Variants in OCM2 observed in about 807,000 individuals in gnomAD.
The protein encoded by OCM2 is oncomodulin 2.
OCM2 carries 6 observed loss-of-function variants against 13.6 expected under a neutral mutation model. The observed-to-expected ratio is 0.44, with a 90% CI of 0.24 to 0.87. The LOEUF (loss-of-function observed/expected upper bound fraction) is 0.87, where lower values mean the gene tolerates loss of function less well. OCM2 is among the 40% of genes least tolerant of loss of function. The pLI is 0.22. For missense variants in OCM2, 118 were observed against 136.8 expected, an observed-to-expected ratio of 0.86 and a Z score of 0.68; for synonymous variants, 40 against 50.7, an observed-to-expected ratio of 0.79 and a Z score of 0.90.
At chr7:97,985,431 AAAAGAAAG>A (rs1554366491) in intron 3 of OCM2, among the ~76,000 whole-genome samples, 13 of 131,500 alleles carry the variant, frequency 9.9e-5, no homozygotes, top group Admixed American at 2.8e-4. Flanking sequence ...AAAAAAAAAA[AAAAGAAAG>A]AAAGAAAGAA....
Position 97,985,002 on chromosome 7 carries a change from G to A in OCM2, c.305-19C>T, listed in dbSNP as rs1794655716. 3 of 1,613,996 alleles carry A rather than the reference G, an allele frequency of 1.9e-6. No individual in the cohort carries two copies. The South Asian group carries it at 3.3e-5, about 18-fold the overall frequency. ...TGGAATTCTAGAACAGAAGAGGTGA[G>A]AACAGGGTCAGTGGAGGTGGCTTCG... is the stretch of plus-strand genomic sequence containing the variant. On this transcript the variant is annotated intron_variant, in intron 3 of 3. Transcript: ENST00000257627.
At chr7:97,985,746 T>C (rs760461272) in intron 3 of OCM2, among the ~76,000 whole-genome samples, 3 of 152,166 alleles carry the variant, frequency 2.0e-5, no homozygotes, top group Admixed American at 2.0e-4. Context: ...GACTTTGAAC[T>C]GACTTTCCTC....
intron 1 of OCM2, 150 bp downstream of exon 1, chr7:97,989,894 G>C: frequency 1.5e-6 from 1 of 656,436 alleles, no homozygotes; most frequent in East Asian, 2.9e-5. Context: ...TCCTGACCTC[G>C]TGATCCACCC....
chr7:97,984,737 G>T, exon 4 of OCM2: 2 of 552,924 alleles, frequency 3.6e-6, no homozygotes, highest in Non-Finnish European at 6.5e-6. Context: ...CCTGTTGGGG[G>T]AAGGGGGGCT....
intron 1 of OCM2, 28 bp downstream of exon 1, chr7:97,990,016 T>TGGCCCC: frequency 7.4e-6 from 8 of 1,083,832 alleles, no homozygotes; most frequent in Non-Finnish European, 1.1e-5. Flanking sequence ...TGTGAGGAAA[T>TGGCCCC]CCCACCCCCG....
chr7:97,989,990 G>T, intron 1 of OCM2, 54 bp downstream of exon 1: 3 of 1,583,778 alleles, frequency 1.9e-6, no homozygotes, highest in Non-Finnish European at 2.6e-6. Context: ...GTGTTGCCTC[G>T]CTGGAGGGGC....
chr7:97,984,896 A>G, exon 4 of OCM2: 3 of 1,489,600 alleles, frequency 2.0e-6, no homozygotes, highest in Non-Finnish European at 2.8e-6. Flanking sequence ...CCCCATTCCC[A>G]GGGCTTTGGA....
chr7:97,990,014 AATCCC>A, intron 1 of OCM2, 25 bp downstream of exon 1: 10 of 1,385,016 alleles, frequency 7.2e-6, no homozygotes, highest in Non-Finnish European at 1.0e-5. Flanking sequence ...GCTGTGAGGA[AATCCC>A]ACCCCCGCCC....
At chr7:97,986,267 T>C (rs1290536091) in intron 3 of OCM2, among the ~76,000 whole-genome samples, 8 of 152,088 alleles carry the variant, frequency 5.3e-5, no homozygotes, top group Non-Finnish European at 8.8e-5. Context: ...TTTTATGAGC[T>C]ATCTATCTGC....
At chr7:97,988,605 G>A (rs1794696452) in intron 1 of OCM2, 57 bp from the exon 2 acceptor site, 17 of 1,604,144 alleles carry the variant, frequency 1.1e-5, no homozygotes, top group Middle Eastern at 1.7e-4. Flanking sequence ...CTATGTTGGG[G>A]CCAAGGTACT....
chr7:97,987,642 C>T (rs1794685612), intron 2 of OCM2, among the ~76,000 whole-genome samples: 1 of 151,982 alleles, frequency 6.6e-6, no homozygotes, highest in African/African-American at 2.4e-5. Context: ...GTGTGAGCCA[C>T]AGTGCCTGGC....
chr7:97,988,371 C>T (rs747163312), intron 2 of OCM2, 45 bp downstream of exon 2: 2 of 1,611,188 alleles, frequency 1.2e-6, no homozygotes, highest in Admixed American at 3.3e-5. Flanking sequence ...ACCCCAGGCC[C>T]ACCCAGCAGT....
chr7:97,985,431 A>AGAAAG (rs1554366492), intron 3 of OCM2, among the ~76,000 whole-genome samples: 77 of 131,548 alleles, frequency 5.9e-4, no homozygotes, highest in African/African-American at 1.7e-3. Context: ...AAAAAAAAAA[A>AGAAAG]AAAGAAAGAA....
chr7:97,989,289 C>T (rs529211271), intron 1 of OCM2, among the ~76,000 whole-genome samples: 208 of 152,054 alleles, frequency 1.4e-3, no homozygotes, highest in African/African-American at 4.5e-3. Context: ...GAAGTGTAAT[C>T]GTGTGCTCAG....
chr7:97,990,135 G>A, exon 1 of OCM2: 1 of 1,605,390 alleles, frequency 6.2e-7, no homozygotes, highest in Non-Finnish European at 8.5e-7. Context: ...ATAAACGAGA[G>A]GCGATAAGCC....
At chr7:97,987,047 C>T (rs764616859) in exon 3 of OCM2, 3 of 1,612,990 alleles carry the variant, frequency 1.9e-6, no homozygotes, top group Non-Finnish European at 2.5e-6. Flanking sequence ...GTGGACATAC[C>T]CTCTGCTCCA....
chr7:97,988,935 T>TTCTTTC (rs1554366927), intron 1 of OCM2, among the ~76,000 whole-genome samples: 11,853 of 140,430 alleles, frequency 0.084, 476 homozygotes, highest in South Asian at 0.12. Context: ...CTTTCTTTCT[T>TTCTTTC]TTTTTTTTTT....
intron 1 of OCM2, among the ~76,000 whole-genome samples, chr7:97,988,900 C>G (rs1183909185): frequency 6.6e-6 from 1 of 151,352 alleles, no homozygotes; most frequent in African/African-American, 2.4e-5. Context: ...TGGATTTCAA[C>G]AGGCTAAATG....
In OCM2 at chr7:97,985,027, G is replaced by A. The variant is rs201487252; in HGVS notation, c.305-44C>T. ...GAACAGGGTCAGTGGAGGTGGCTTC[G>A]TTCTTTACAGACATGCCGTGGCCAG... On this transcript the variant is annotated intron_variant, in intron 3 of 3. Coordinates refer to ENST00000257627, the Ensembl canonical transcript of OCM2. 1.7e-4 allele frequency: 267 copies of A among 1,613,850 alleles called. 2 individuals are homozygous for A. Among genetic ancestry groups the A allele is most frequent in the South Asian group, 5.2e-4 (47 of 91,068 alleles).
Sources: gnomAD v4.1 joint callset for allele counts (sites outside exome capture counted in the v4.1 genomes callset) on GRCh38, gnomAD v4.1.1 for gene constraint, MANE v1.5 for transcripts, NCBI Gene and HGNC (gene_info 2026-07-23, HGNC 2026-07-21) for gene names.